COL28A1: variants seen among roughly 807,000 people sequenced by gnomAD.
COL28A1 encodes the protein collagen alpha-1(XXVIII) chain.
A neutral mutation model predicts 150.2 loss-of-function variants in COL28A1; 161 were observed. The ratio of observed to expected loss-of-function variants is 1.07; its 90% confidence interval spans 0.94 to 1.22. COL28A1 has a LOEUF of 1.22. COL28A1 is among the 50% of genes most tolerant of loss of function. The pLI, the probability that COL28A1 is intolerant of heterozygous loss-of-function variation, is 0.00. For missense variants in COL28A1, 1,617 were observed against 1,388.3 expected, an observed-to-expected ratio of 1.16 and a Z score of -2.62; for synonymous variants, 552 against 469.7, an observed-to-expected ratio of 1.18 and a Z score of -2.26.
At chr7:7,381,706 A>C in intron 27 of COL28A1, 94 bp from the exon 28 acceptor site, 2 of 767,500 alleles carry the variant, frequency 2.6e-6, no homozygotes, top group South Asian at 1.5e-5. Context: ...TTAAAACTGC[A>C]TTATAGTATT....
intron 33 of COL28A1, among the ~76,000 whole-genome samples, chr7:7,368,782 TTG>T (rs1781071442): frequency 6.6e-6 from 1 of 152,234 alleles, no homozygotes; most frequent in Non-Finnish European, 1.5e-5. Context: ...AAATAAATAT[TTG>T]TTGTTTAAGC....
chr7:7,533,160 T>C (rs978291600), intron 1 of COL28A1, among the ~76,000 whole-genome samples: 4 of 152,162 alleles, frequency 2.6e-5, no homozygotes, highest in African/African-American at 7.2e-5. Flanking sequence ...TATTCTTAAT[T>C]CCGCATTGTA....
intron 26 of COL28A1, among the ~76,000 whole-genome samples, 187 bp from the exon 27 acceptor site, chr7:7,418,114 A>G (rs1784206350): frequency 6.6e-6 from 1 of 152,244 alleles, no homozygotes; most frequent in African/African-American, 2.4e-5. Flanking sequence ...AATTCTATGC[A>G]AACAAAACCT....
intron 27 of COL28A1, among the ~76,000 whole-genome samples, chr7:7,409,747 C>T (rs575042376): frequency 1.8e-4 from 27 of 152,136 alleles, no homozygotes; most frequent in Non-Finnish European, 3.2e-4. Flanking sequence ...AATTCAAAAA[C>T]GTGATTTCAA....
rs375679131 is a variant in COL28A1 at position 7,373,448 on chromosome 7, A to G, written c.2458T>C (p.Phe820Leu). The change falls in exon 32 of 35, where the codon TTT becomes CTT. Residue 820 changes from phenylalanine to leucine, a missense_variant. Physicochemically the swap from Phe to Leu is conservative, Grantham distance 22 (BLOSUM62 0). Transcript: ENST00000399429. This position sits in a 1 kb window ranked among gnomAD's most constrained non-coding sequence, Gnocchi z 4.1. ...ACCCGGTCAGCCATAGTCTTCACAA[A>G]ATTTTTAATGATCTGAAAGTTCTCT... is the stretch of plus-strand genomic sequence containing the variant. ...GPENFQIIKNFVKTMADRVAL... is the reference protein window; with the variant it reads ...GPENFQIIKNLVKTMADRVAL... 6.2e-7 allele frequency: 1 copy of G among 1,614,078 alleles called. No individual in the cohort carries two copies. The highest frequency in any genetic ancestry group is 8.5e-7 in the Non-Finnish European group (1 of 1,180,016).
chr7:7,501,297 G>A (rs1780509926), intron 11 of COL28A1, among the ~76,000 whole-genome samples: 2 of 152,184 alleles, frequency 1.3e-5, no homozygotes, highest in South Asian at 2.1e-4. Context: ...CAATACTGCA[G>A]TATTTTTTAA....
At chr7:7,484,507 G>A (rs1249596329) in intron 13 of COL28A1, among the ~76,000 whole-genome samples, 2 of 151,884 alleles carry the variant, frequency 1.3e-5, no homozygotes, top group Non-Finnish European at 2.9e-5. Flanking sequence ...AAATATATGG[G>A]TAAAACTATA....
intron 33 of COL28A1, among the ~76,000 whole-genome samples, chr7:7,370,465 T>C (rs1379501313): frequency 3.9e-5 from 6 of 152,218 alleles, no homozygotes; most frequent in African/African-American, 1.2e-4. Flanking sequence ...TTGATGGTAA[T>C]AGGAGTATAA....
intron 31 of COL28A1, among the ~76,000 whole-genome samples, chr7:7,374,420 T>C (rs1562491158): frequency 6.6e-6 from 1 of 152,160 alleles, no homozygotes; most frequent in Non-Finnish European, 1.5e-5. Flanking sequence ...ACTACTCTAG[T>C]TGATGTCTCC....
At chr7:7,387,218 T>C (rs114240897) in intron 27 of COL28A1, among the ~76,000 whole-genome samples, 2,373 of 152,218 alleles carry the variant, frequency 0.016, 57 homozygotes, top group African/African-American at 0.053. Flanking sequence ...CCCAGATCTT[T>C]AGAGATGCCC....
chr7:7,490,618 C>A lies in COL28A1; in HGVS notation c.1055G>T (p.Gly352Val). The change falls in exon 12 of 35, where the codon GGT (glycine) becomes GTT (valine). Residue 352 changes from glycine to valine, a missense_variant. By Grantham distance (109) the Gly-to-Val change is moderately radical. Transcript: ENST00000399429. ...TCCAATTCCAGGAGCTCCTGGAGAACCATAAGGACCAGGAGGACCTGGCTC... is the reference window on the plus strand; with the variant it reads ...TCCAATTCCAGGAGCTCCTGGAGAAACATAAGGACCAGGAGGACCTGGCTC... Reference protein sequence around the residue: ...KGEPGPPGPYGSPGAPGIGQQ... With the variant: ...KGEPGPPGPYVSPGAPGIGQQ... 4 of 1,395,584 alleles carry A rather than the reference C, an allele frequency of 2.9e-6. No homozygotes were observed. Among genetic ancestry groups the A allele is most frequent in the Non-Finnish European group, 4.1e-6 (4 of 981,894 alleles). 86.5% of individuals were successfully genotyped at this position (1,395,584 alleles called of 1,614,324 possible). A position where few individuals can be genotyped will look rare whatever the true frequency, so the allele number is the denominator to read the frequency against.
chr7:7,347,437 G>C, the COL28A1 span, among the ~76,000 whole-genome samples: 1 of 152,030 alleles, frequency 6.6e-6, no homozygotes, highest in African/African-American at 2.4e-5. Flanking sequence ...GTCTCTAAGT[G>C]GCTCCAAGAA....
At chr7:7,418,978 C>CT (rs1784251890) in intron 26 of COL28A1, among the ~76,000 whole-genome samples, 1 of 152,146 alleles carries the variant, frequency 6.6e-6, no homozygotes, top group South Asian at 2.1e-4. Context: ...CTCATACAGC[C>CT]TTTTCCCTCT....
chr7:7,479,234 C>T (rs557595722), intron 13 of COL28A1, among the ~76,000 whole-genome samples: 2 of 152,186 alleles, frequency 1.3e-5, no homozygotes, highest in Non-Finnish European at 2.9e-5. Context: ...GAGAATCCTT[C>T]TAGTCAACTC....
intron 15 of COL28A1, among the ~76,000 whole-genome samples, chr7:7,461,456 T>C (rs535643054): frequency 6.6e-6 from 1 of 152,292 alleles, no homozygotes; most frequent in South Asian, 2.1e-4. Flanking sequence ...AAAGCTCTAC[T>C]GACTTTCCTA....
the COL28A1 span, among the ~76,000 whole-genome samples, chr7:7,342,316 C>T: frequency 3.7e-4 from 57 of 152,004 alleles, no homozygotes; most frequent in South Asian, 1.5e-3. Context: ...TTTTACTCTT[C>T]CTGTTTGCCT....
rs555160156 is a variant in COL28A1, at chr7:7,424,085, G to A, written c.1999-4132C>T. 2.7e-3 allele frequency among the ~76,000 whole-genome samples: 388 copies of A among 145,964 alleles called. 1 individual carries two copies. The highest frequency in any genetic ancestry group is 9.8e-3 in the African/African-American group (368 of 37,604). On this transcript the variant is annotated intron_variant, in intron 25 of 34. Transcript: ENST00000399429. ...TAATCTTTTGTATCTTTCAAACTAC[G>A]GGAAAATAATGACTTATAGCAATGC...
the COL28A1 span, among the ~76,000 whole-genome samples, chr7:7,540,952 T>A: frequency 6.6e-6 from 1 of 152,052 alleles, no homozygotes; most frequent in Non-Finnish European, 1.5e-5. Flanking sequence ...GTAGATATCA[T>A]CATTTGCATG....
At position 7,463,333 on chromosome 7, in the gene COL28A1, C is replaced by T. The variant is rs562584521; in HGVS notation, c.1303-7221G>A. Among the ~76,000 whole-genome samples, 144 of 152,206 alleles carry T rather than the reference C, an allele frequency of 9.5e-4. 1 individual carries two copies. The highest frequency in any genetic ancestry group is 3.2e-3 in the African/African-American group (133 of 41,530). On this transcript the variant is annotated intron_variant, in intron 15 of 34. Transcript: ENST00000399429. Reference sequence around the variant, plus strand: ...GTAATTCTTTAATAACATATTATATCGAGCACTAAATGGAACTTTTAAGTT... The same window carrying T: ...GTAATTCTTTAATAACATATTATATTGAGCACTAAATGGAACTTTTAAGTT...
Sources: gnomAD v4.1 joint callset for allele counts (sites outside exome capture counted in the v4.1 genomes callset) on GRCh38, gnomAD v4.1.1 for gene constraint, Gnocchi (gnomAD v3.1) non-coding constraint, MANE v1.5 for transcripts, NCBI Gene and HGNC (gene_info 2026-07-23, HGNC 2026-07-21) for gene names.